The following ACSBG1 variants were observed in gnomAD, a reference collection of about 807,000 sequenced individuals.
ACSBG1 encodes the protein acyl-CoA synthetase bubblegum family member 1.
In ACSBG1, 39 loss-of-function variants were observed where a neutral mutation model predicts 80.2. The observed-to-expected ratio is 0.49, with a 90% CI of 0.38 to 0.64. The LOEUF (loss-of-function observed/expected upper bound fraction) is 0.64, where lower values mean the gene tolerates loss of function less well. Ranked by LOEUF, ACSBG1 falls within the 30% of genes least tolerant of loss-of-function variation. The pLI, the probability that ACSBG1 is intolerant of heterozygous loss-of-function variation, is 0.00. For synonymous variants in ACSBG1, 392 were observed against 379.5 expected (o/e 1.03, Z -0.38); for missense variants, 828 against 966.4 (o/e 0.86, Z 1.90).
intron 1 of ACSBG1, among the ~76,000 whole-genome samples, chr15:78,219,694 AG>A (rs1414722072): frequency 0.018 from 2 of 110 alleles, no homozygotes; most frequent in Non-Finnish European, 0.042. Flanking sequence ...TAAAAATTCA[AG>A]AAGACCTGGC....
rs368704423 is a variant in ACSBG1, at chr15:78,174,376, C to A, written c.1842+9G>T. The A allele has an allele frequency of 6.2e-7, 1 of 1,614,208 alleles. No individual in the cohort carries two copies. Among genetic ancestry groups the A allele is most frequent in the Admixed American group, 1.7e-5 (1 of 60,032 alleles). On this transcript the variant is annotated intron_variant, in intron 12 of 13. Coordinates refer to ENST00000258873, the MANE Select transcript of ACSBG1 (RefSeq NM_015162.5). ...CTGCTCCTTCTGAGCTGGAGCCCCC[C>A]AGACACACCTTCAAGGTGAGCAGCA...
intron 1 of ACSBG1, chr15:78,209,113 C>T (rs774777402): frequency 1.3e-5 from 6 of 455,492 alleles, no homozygotes; most frequent in Non-Finnish European, 1.3e-5. Flanking sequence ...AGCCCCATCC[C>T]TGCCCAGTTC....
intron 2 of ACSBG1, among the ~76,000 whole-genome samples, chr15:78,196,300 G>A (rs188182159): frequency 7.9e-5 from 12 of 152,324 alleles, no homozygotes; most frequent in South Asian, 2.1e-4. Context: ...GGTGGACCCC[G>A]CTGATCTGCC....
chr15:78,190,754 A>C (rs973796204), intron 5 of ACSBG1, among the ~76,000 whole-genome samples: 1 of 151,966 alleles, frequency 6.6e-6, no homozygotes, highest in Admixed American at 6.6e-5. Context: ...TATCTTGGAG[A>C]GTACACTGTG....
intron 11 of ACSBG1, chr15:78,174,935 CTG>C: frequency 5.1e-6 from 1 of 194,618 alleles, no homozygotes; most frequent in East Asian, 1.6e-4. Flanking sequence ...ATTCATTTAA[CTG>C]TCACAATAAA....
chr15:78,207,917 T>TCCCCCCCCCCCCCC, intron 2 of ACSBG1, 85 bp downstream of exon 2: 9 of 876,062 alleles, frequency 1.0e-5, no homozygotes, highest in East Asian at 5.4e-5. Flanking sequence ...TGTGTGGTGG[T>TCCCCCCCCCCCCCC]CCCCCACACC....
In ACSBG1 at chr15:78,178,933, G is replaced by T; in HGVS notation, c.1485-102C>A. 8.4e-7 allele frequency: 1 copy of T among 1,194,312 alleles called. No homozygotes were observed. Among genetic ancestry groups the T allele is most frequent in the South Asian group, 1.5e-5 (1 of 64,522 alleles). The allele number at this position is 1,194,312 out of a possible 1,614,324, so 74.0% of individuals were successfully genotyped here. On this transcript the variant is annotated intron_variant, in intron 10 of 13. Coordinates refer to ENST00000258873, the MANE Select transcript of ACSBG1 (RefSeq NM_015162.5). The surrounding 1 kb of genome is among the most constrained non-coding windows in gnomAD (Gnocchi z 4.3). Reference sequence around the variant, plus strand: ...ACTGCTCGGTCTTCACTGATTGCTAGAAGGTATCCCCTCACAGGGCTTTTG... The same window carrying T: ...ACTGCTCGGTCTTCACTGATTGCTATAAGGTATCCCCTCACAGGGCTTTTG...
At chr15:78,192,209 T>C (rs1221555169) in intron 5 of ACSBG1, among the ~76,000 whole-genome samples, 5 of 151,974 alleles carry the variant, frequency 3.3e-5, no homozygotes, top group Non-Finnish European at 7.4e-5. Context: ...GGCAAATGAA[T>C]ACAAGTGCCC....
At chr15:78,221,851 C>T (rs1006647548) in intron 1 of ACSBG1, among the ~76,000 whole-genome samples, 8 of 152,348 alleles carry the variant, frequency 5.3e-5, no homozygotes, top group African/African-American at 1.9e-4. Context: ...CTGCACAGCC[C>T]TAAATCCCTT....
chr15:78,218,809 C>CTT lies in ACSBG1; in HGVS notation c.132-10709_132-10708dup, dbSNP rs1188892122. On this transcript the variant is annotated intron_variant, in intron 1 of 13. Coordinates refer to ENST00000258873, the MANE Select transcript of ACSBG1 (RefSeq NM_015162.5). ...TTTTTTGAGACGGAGTATCGCTCTCCTTTTTTTTTTTTTTTTTTTTTTGAC... is the reference window on the plus strand; with the variant it reads ...TTTTTTGAGACGGAGTATCGCTCTCCTTTTTTTTTTTTTTTTTTTTTTTTGAC... Among the ~76,000 whole-genome samples the CTT allele has an allele frequency of 7.1e-3, 262 of 37,036 alleles. 1 individual carries two copies. The highest frequency in any genetic ancestry group is 0.019 in the African/African-American group (199 of 10,538). 24.3% of individuals were successfully genotyped at this position (37,036 alleles called of 152,430 possible). A position where few individuals can be genotyped will look rare whatever the true frequency, so the allele number is the denominator to read the frequency against.
chr15:78,207,164 G>A (rs550900582), intron 2 of ACSBG1, among the ~76,000 whole-genome samples: 4 of 152,232 alleles, frequency 2.6e-5, no homozygotes, highest in African/African-American at 7.2e-5. Context: ...GCCTCTCTCC[G>A]GTGTCTTTCA....
Position 78,194,744 on chromosome 15 carries a change from C to T in ACSBG1, c.233-18G>A. 3 of 1,608,392 alleles carry T rather than the reference C, an allele frequency of 1.9e-6. No homozygotes were observed. Among genetic ancestry groups the T allele is most frequent in the Non-Finnish European group, 2.5e-6 (3 of 1,178,546 alleles). ...CGCCTCCTCTGTGGGGTGGGGGAGA[C>T]CACAGCTTGGATCATGCCAGCCTGG... On this transcript the variant is annotated intron_variant, in intron 2 of 13. Transcript: ENST00000258873.
chr15:78,227,012 G>T (rs984958848), intron 1 of ACSBG1, among the ~76,000 whole-genome samples: 2 of 150,860 alleles, frequency 1.3e-5, no homozygotes, highest in African/African-American at 4.9e-5. Context: ...TTGAGATCAG[G>T]AGTTCAAGAC....
intron 1 of ACSBG1, among the ~76,000 whole-genome samples, chr15:78,210,515 T>TCAG (rs2075258162): frequency 2.6e-5 from 4 of 152,348 alleles, no homozygotes; most frequent in Admixed American, 2.6e-4. Flanking sequence ...CAGAAACAAG[T>TCAG]GAAACTGCTC....
At chr15:78,179,032 C>G in intron 10 of ACSBG1, 1 of 589,562 alleles carries the variant, frequency 1.7e-6, no homozygotes, top group East Asian at 2.8e-5. Context: ...AAGGAAGGAA[C>G]AAATGAAATG....
At position 78,168,768 on chromosome 15, in the gene ACSBG1, G is replaced by A. The variant is rs2074782605; in HGVS notation, c.*2676C>T. ...CCGATCCTCCTGGGCTGGGTAGATG[G>A]TGGTGGAGTGGTTCCTCACTTTGAA... On this transcript the variant is annotated 3_prime_UTR_variant, in exon 14 of 14. Transcript: ENST00000258873. 4.8e-6 allele frequency: 3 copies of A among 623,004 alleles called. No individual in the cohort carries two copies. The highest frequency in any genetic ancestry group is 2.6e-5 in the East Asian group (1 of 38,670). 38.6% of individuals were successfully genotyped at this position (623,004 alleles called of 1,614,324 possible). A position where few individuals can be genotyped will look rare whatever the true frequency, so the allele number is the denominator to read the frequency against.
intron 1 of ACSBG1, among the ~76,000 whole-genome samples, chr15:78,230,867 C>T (rs865810174): frequency 1.3e-5 from 2 of 152,188 alleles, no homozygotes; most frequent in East Asian, 1.9e-4. Flanking sequence ...TTATCAGCAG[C>T]GGGAAAACAG....
In ACSBG1 at chr15:78,194,007, T is replaced by A. The variant is rs1481648622; in HGVS notation, c.467A>T (p.Gln156Leu). 2 of 1,613,830 alleles carry A rather than the reference T, an allele frequency of 1.2e-6. No homozygotes were observed. The highest frequency in any genetic ancestry group is 1.7e-6 in the Non-Finnish European group (2 of 1,180,006). Residue 156 changes from glutamine to leucine, a missense_variant, in exon 4 of 14, where the codon CAG becomes CTG. By Grantham distance (113) the Gln-to-Leu change is moderately radical (BLOSUM62 -2). Around this residue, in one of 3 missense-constraint regions of ACSBG1, gnomAD observed 356 missense variants for 363.5 expected, o/e 0.98. Transcript: ENST00000258873. ...GCCGAGGATGGCCACACTGTGGGCCTGCTTCAGGCCGAGCTCCAGGTCAAA... is the reference window on the plus strand; with the variant it reads ...GCCGAGGATGGCCACACTGTGGGCCAGCTTCAGGCCGAGCTCCAGGTCAAA... ...AKGFLKLGLK[Q>L]AHSVAILGFN...
At chr15:78,171,598 G>C in intron 13 of ACSBG1, 69 bp from the exon 14 acceptor site, 2 of 1,290,172 alleles carry the variant, frequency 1.6e-6, no homozygotes, top group Non-Finnish European at 2.3e-6. Flanking sequence ...GTGTGGTAAA[G>C]ACTCACACTC....
Sources: allele counts gnomAD v4.1 joint callset (sites outside exome capture counted in the v4.1 genomes callset), GRCh38; gene constraint gnomAD v4.1.1; regional missense constraint gnomAD v4.1.1; non-coding constraint Gnocchi (gnomAD v3.1); transcripts MANE v1.5; gene names NCBI Gene and HGNC (gene_info 2026-07-23, HGNC 2026-07-21).